MEGF10: variants seen among roughly 807,000 people sequenced by gnomAD.
The protein encoded by MEGF10 is multiple EGF like domains 10.
MEGF10 carries 86 observed loss-of-function variants against 147.5 expected under a neutral mutation model. That is an observed-to-expected ratio of 0.58 (90% CI 0.49 to 0.70). The LOEUF (loss-of-function observed/expected upper bound fraction) is 0.70, where lower values mean the gene tolerates loss of function less well. MEGF10 is among the 30% of genes least tolerant of loss of function. The pLI is 0.00. For missense variants in MEGF10, 1,329 were observed against 1,487.3 expected, an observed-to-expected ratio of 0.89 and a Z score of 1.75; for synonymous variants, 478 against 525.5, an observed-to-expected ratio of 0.91 and a Z score of 1.24.
chr5:127,376,645 T>C (rs1035880324), intron 5 of MEGF10, among the ~76,000 whole-genome samples: 3 of 152,146 alleles, frequency 2.0e-5, no homozygotes, highest in Non-Finnish European at 4.4e-5. Flanking sequence ...GGCGGTTACA[T>C]TGATGATCAT....
chr5:127,435,467 G>A lies in MEGF10; in HGVS notation c.2082G>A (p.Trp694Ter). 1 of 1,613,932 alleles carries A rather than the reference G, an allele frequency of 6.2e-7. No homozygotes were observed. The highest frequency in any genetic ancestry group is 8.5e-7 in the Non-Finnish European group (1 of 1,179,930). The change falls in exon 16 of 25, where the codon TGG becomes TGA. Residue 694 changes from tryptophan (W) to a stop codon, truncating the protein, a stop_gained. Transcript: ENST00000503335. LOFTEE classifies it high-confidence loss of function. ...GATCTTGTCAGTGTTACCCCGGTTG[G>A]ATTGGCAGTGACTGCTCTCAACGTA... ...IDRSCQCYPG[W>*]IGSDCSQPCP...
At chr5:127,247,416 G>C in the MEGF10 span, among the ~76,000 whole-genome samples, 10 of 77,294 alleles carry the variant, frequency 1.3e-4, no homozygotes, top group African/African-American at 6.9e-4. Flanking sequence ...AGAAGAAGAA[G>C]AAGAAGAAGA....
the MEGF10 span, among the ~76,000 whole-genome samples, chr5:127,240,624 C>T: frequency 2.0e-5 from 3 of 152,118 alleles, no homozygotes; most frequent in Non-Finnish European, 2.9e-5. Context: ...TCATAATGCT[C>T]CTTGAAAAAT....
intron 1 of MEGF10, among the ~76,000 whole-genome samples, chr5:127,304,683 C>T (rs539487711): frequency 6.6e-6 from 1 of 152,238 alleles, no homozygotes; most frequent in South Asian, 2.1e-4. Context: ...TTGGTAGAGA[C>T]AGGGTTTTGC....
chr5:127,414,122 G>A (rs550956195), intron 9 of MEGF10, among the ~76,000 whole-genome samples: 12 of 152,116 alleles, frequency 7.9e-5, no homozygotes, highest in Non-Finnish European at 1.3e-4. Flanking sequence ...AAAATTTCCC[G>A]TTTTTTGTAC....
At chr5:127,378,815 A>G (rs1763134742) in intron 5 of MEGF10, among the ~76,000 whole-genome samples, 1 of 151,336 alleles carries the variant, frequency 6.6e-6, no homozygotes, top group Admixed American at 6.6e-5. Flanking sequence ...AAGATTCCCC[A>G]GACAGAAGAC....
chr5:127,292,883 G>A (rs955026174), intron 1 of MEGF10, among the ~76,000 whole-genome samples: 11 of 127,690 alleles, frequency 8.6e-5, no homozygotes, highest in African/African-American at 2.4e-4. Flanking sequence ...GGCTATGCAT[G>A]AGTATTGGCT....
the MEGF10 span, among the ~76,000 whole-genome samples, chr5:127,277,944 T>G: frequency 2.6e-5 from 4 of 152,122 alleles, no homozygotes; most frequent in African/African-American, 9.7e-5. Flanking sequence ...CATATTAATT[T>G]TGAGATGCAC....
chr5:127,328,919 G>T (rs552345866), intron 1 of MEGF10, among the ~76,000 whole-genome samples: 1 of 152,128 alleles, frequency 6.6e-6, no homozygotes, highest in Non-Finnish European at 1.5e-5. Context: ...TTTTTTGATG[G>T]ATGAGGAAAA....
rs1314184279 is a variant in MEGF10, at chr5:127,369,923, T to C, written c.333T>C (p.Asp111=). Residue 111 remains aspartate, a synonymous_variant, in exon 5 of 25, where the codon GAT becomes GAC. Transcript: ENST00000503335. ...TCTCTCTGACAGCCCACTGTGCTGA[T>C]AAATGTGTCCATGGTCGCTGTATTG... ...SGEMCVPHCA[D]KCVHGRCIAP... is the part of the protein sequence containing the mutation. 2 of 1,609,976 alleles carry C rather than the reference T, an allele frequency of 1.2e-6. No homozygotes were observed. Among genetic ancestry groups the C allele is most frequent in the Non-Finnish European group, 1.7e-6 (2 of 1,177,628 alleles).
At position 127,457,472 on chromosome 5, in the gene MEGF10, C is replaced by T. The variant is rs541612518; in HGVS notation, c.*154C>T. 1.7e-5 allele frequency: 13 copies of T among 765,086 alleles called. No individual in the cohort carries two copies. In the East Asian group the frequency reaches 1.9e-4, roughly 11 times the overall value. The allele number at this position is 765,086 out of a possible 1,614,324, so 47.4% of individuals were successfully genotyped here. A position where few individuals can be genotyped will look rare whatever the true frequency, so the allele number is the denominator to read the frequency against. On this transcript the variant is annotated 3_prime_UTR_variant, in exon 25 of 25. Coordinates refer to ENST00000503335, the MANE Select transcript of MEGF10 (RefSeq NM_001256545.2). Reference sequence around the variant, plus strand: ...AGAAAGCTGAAAGCTGAGGCTGACACGGACTGTAGGTGCTTTTTGTTCAGG... The same window carrying T: ...AGAAAGCTGAAAGCTGAGGCTGACATGGACTGTAGGTGCTTTTTGTTCAGG...
chr5:127,391,149 CACACATACAT>C (rs1464572234), intron 5 of MEGF10, among the ~76,000 whole-genome samples: 5,510 of 44,470 alleles, frequency 0.12, 201 homozygotes, highest in Middle Eastern at 0.18. Context: ...CACACACACA[CACACATACAT>C]GCTTATTTCT....
chr5:127,439,501 A>G (rs1330333064), intron 17 of MEGF10, among the ~76,000 whole-genome samples: 2 of 152,224 alleles, frequency 1.3e-5, no homozygotes, highest in Non-Finnish European at 2.9e-5. Context: ...TAGACCTTGA[A>G]CCAAGAGTTG....
intron 22 of MEGF10, among the ~76,000 whole-genome samples, chr5:127,450,792 T>C (rs1766128126): frequency 6.6e-6 from 1 of 152,180 alleles, no homozygotes; most frequent in Non-Finnish European, 1.5e-5. Context: ...AGAGTCTCGC[T>C]CTGTCGTCTA....
the MEGF10 span, among the ~76,000 whole-genome samples, chr5:127,275,337 G>T: frequency 6.6e-6 from 1 of 152,268 alleles, no homozygotes; most frequent in Admixed American, 6.5e-5. Context: ...AGGAGAGTGA[G>T]TCAGGGGCCT....
intron 1 of MEGF10, among the ~76,000 whole-genome samples, chr5:127,312,322 A>G (rs1208414313): frequency 6.6e-6 from 1 of 152,230 alleles, no homozygotes; most frequent in Non-Finnish European, 1.5e-5. Context: ...ACAGAGACCA[A>G]TGCCATTCAG....
chr5:127,248,806 C>T, the MEGF10 span, among the ~76,000 whole-genome samples: 17 of 149,718 alleles, frequency 1.1e-4, no homozygotes, highest in African/African-American at 3.4e-4. Context: ...GAAATAATAA[C>T]GAAAGGTGAA....
At chr5:127,411,345 A>G (rs578143487) in intron 9 of MEGF10, among the ~76,000 whole-genome samples, 1 of 152,360 alleles carries the variant, frequency 6.6e-6, no homozygotes, top group East Asian at 1.9e-4. Flanking sequence ...GAGTTTGACA[A>G]AAATGTAGTG....
At chr5:127,288,655 C>T (rs1290747079), upstream of MEGF10, among the ~76,000 whole-genome samples, 1 of 152,100 alleles carries the variant, frequency 6.6e-6, no homozygotes, top group Non-Finnish European at 1.5e-5. Context: ...AAAATGTTTT[C>T]CACTTTGGAA....
Sources: allele counts gnomAD v4.1 joint callset (sites outside exome capture counted in the v4.1 genomes callset), GRCh38; gene constraint gnomAD v4.1.1; transcripts MANE v1.5; gene names NCBI Gene and HGNC (gene_info 2026-07-23, HGNC 2026-07-21).